The following SPOCK3 variants were observed in gnomAD, a reference collection of about 807,000 sequenced individuals.
The protein encoded by SPOCK3 is SPARC (osteonectin), cwcv and kazal like domains proteoglycan 3.
A neutral mutation model predicts 56.6 loss-of-function variants in SPOCK3; 30 were observed. The ratio of observed to expected loss-of-function variants is 0.53; its 90% CI spans 0.40 to 0.72. The LOEUF is 0.72. Among genes scored for constraint, SPOCK3 ranks in the 30% least tolerant of loss-of-function variants. The probability of loss-of-function intolerance (pLI) is 0.00; values close to 1 mark genes in which losing one functional copy is unlikely to be tolerated. For synonymous variants in SPOCK3, 196 were observed against 183.3 expected (o/e 1.07, Z -0.56); for missense variants, 527 against 530.0 (o/e 0.99, Z 0.06).
At chr4:167,108,362 T>C (rs999683167) in intron 2 of SPOCK3, among the ~76,000 whole-genome samples, 2 of 151,980 alleles carry the variant, frequency 1.3e-5, no homozygotes, top group Non-Finnish European at 2.9e-5. Context: ...CTCTCATGTT[T>C]ACTGCGTCAC....
chr4:167,180,048 G>T (rs942845082), intron 2 of SPOCK3, among the ~76,000 whole-genome samples: 2 of 152,164 alleles, frequency 1.3e-5, no homozygotes, highest in Non-Finnish European at 2.9e-5. Flanking sequence ...AGTGAAAGGG[G>T]TGTAGTTTAC....
intron 3 of SPOCK3, among the ~76,000 whole-genome samples, chr4:167,019,967 T>C (rs150413541): frequency 2.6e-5 from 4 of 152,232 alleles, no homozygotes; most frequent in Admixed American, 1.3e-4. Context: ...AAAAGCTGCA[T>C]TGGCATGGGT....
At chr4:167,014,080 T>C (rs1287919607) in intron 3 of SPOCK3, among the ~76,000 whole-genome samples, 2 of 152,146 alleles carry the variant, frequency 1.3e-5, no homozygotes, top group African/African-American at 2.4e-5. Context: ...TGATTAGCTA[T>C]GAAACCCCTA....
intron 6 of SPOCK3, among the ~76,000 whole-genome samples, chr4:166,845,894 T>C (rs1425314177): frequency 2.0e-5 from 3 of 152,188 alleles, no homozygotes; most frequent in African/African-American, 7.2e-5. Context: ...CATCACAGAA[T>C]GCACTTACCT....
chr4:166,799,608 A>T (rs2126681719), intron 6 of SPOCK3, among the ~76,000 whole-genome samples: 1 of 152,188 alleles, frequency 6.6e-6, no homozygotes, highest in Non-Finnish European at 1.5e-5. Context: ...GATTTCAAAC[A>T]ATTTTCCAAG....
intron 6 of SPOCK3, among the ~76,000 whole-genome samples, chr4:166,810,346 C>A (rs1432015192): frequency 6.6e-6 from 1 of 152,000 alleles, no homozygotes; most frequent in Non-Finnish European, 1.5e-5. Context: ...CCTTTACATA[C>A]CACCTAACTC....
chr4:166,844,669 TAAAG>T (rs1747865856), intron 6 of SPOCK3, among the ~76,000 whole-genome samples: 1 of 150,642 alleles, frequency 6.6e-6, no homozygotes, highest in African/African-American at 2.4e-5. Context: ...TATGTATAGA[TAAAG>T]ATAGATAGAT....
chr4:167,120,332 T>C (rs886560661), intron 2 of SPOCK3, among the ~76,000 whole-genome samples: 2 of 152,070 alleles, frequency 1.3e-5, no homozygotes, highest in Non-Finnish European at 2.9e-5. Context: ...GACTAATATA[T>C]ATAAATTACC....
chr4:166,929,527 G>A (rs1020731383), intron 4 of SPOCK3, among the ~76,000 whole-genome samples: 2 of 147,420 alleles, frequency 1.4e-5, no homozygotes, highest in African/African-American at 4.9e-5. Flanking sequence ...ACTCCAAAGA[G>A]CAAGATTTCA....
intron 2 of SPOCK3, among the ~76,000 whole-genome samples, chr4:167,143,884 G>T (rs1304595159): frequency 3.3e-5 from 5 of 151,914 alleles, no homozygotes; most frequent in East Asian, 3.9e-4. Context: ...CATGAACAAG[G>T]ATTGGAAAGT....
At chr4:167,188,676 T>C in intron 2 of SPOCK3, among the ~76,000 whole-genome samples, 1 of 146,230 alleles carries the variant, frequency 6.8e-6, no homozygotes, top group African/African-American at 2.6e-5. Flanking sequence ...CAAAGCAACC[T>C]GGTTCTTTGA....
At chr4:166,843,483 G>T (rs892272131) in intron 6 of SPOCK3, among the ~76,000 whole-genome samples, 1 of 152,170 alleles carries the variant, frequency 6.6e-6, no homozygotes, top group African/African-American at 2.4e-5. Context: ...TTTAAAAATG[G>T]TGTAGAATTA....
intron 4 of SPOCK3, among the ~76,000 whole-genome samples, chr4:166,960,953 G>A (rs1744073878): frequency 6.6e-6 from 1 of 152,142 alleles, no homozygotes; most frequent in African/African-American, 2.4e-5. Context: ...AACAAAGCTT[G>A]TAGATTAGAT....
intron 4 of SPOCK3, among the ~76,000 whole-genome samples, chr4:166,945,812 G>A (rs147310520): frequency 1.5e-4 from 23 of 152,198 alleles, no homozygotes; most frequent in Non-Finnish European, 1.5e-4. Flanking sequence ...GGATCACACA[G>A]GTGTAGTTTT....
chr4:166,894,835 G>T (rs921718399), intron 5 of SPOCK3, among the ~76,000 whole-genome samples: 1 of 151,954 alleles, frequency 6.6e-6, no homozygotes, highest in African/African-American at 2.4e-5. Context: ...TTATTAATAC[G>T]AATATTTTAT....
intron 3 of SPOCK3, among the ~76,000 whole-genome samples, chr4:167,052,507 C>T (rs904000752): frequency 6.6e-6 from 1 of 152,140 alleles, no homozygotes; most frequent in African/African-American, 2.4e-5. Context: ...GTGAATTAAT[C>T]AAATAAAGGC....
intron 6 of SPOCK3, among the ~76,000 whole-genome samples, chr4:166,840,243 C>T (rs953652081): frequency 2.6e-5 from 4 of 151,970 alleles, no homozygotes; most frequent in African/African-American, 9.7e-5. Flanking sequence ...ATTCCAGCTC[C>T]CTACACAGCA....
At chr4:166,790,837 G>A (rs567221982) in intron 7 of SPOCK3, among the ~76,000 whole-genome samples, 1 of 152,156 alleles carries the variant, frequency 6.6e-6, no homozygotes, top group Admixed American at 6.5e-5. Context: ...GAGTGGATAT[G>A]AATTTTAAAA....
chr4:166,793,377 C>T (rs1243731092), intron 6 of SPOCK3, among the ~76,000 whole-genome samples: 1 of 151,986 alleles, frequency 6.6e-6, no homozygotes, highest in Non-Finnish European at 1.5e-5. Flanking sequence ...TTCCCTGGGC[C>T]ACACTGGAAG....
Sources: allele counts gnomAD v4.1 joint callset (sites outside exome capture counted in the v4.1 genomes callset), GRCh38; gene constraint gnomAD v4.1.1; transcripts MANE v1.5; gene names NCBI Gene and HGNC (gene_info 2026-07-23, HGNC 2026-07-21).